BCAS3: variants seen among roughly 807,000 people sequenced by gnomAD.
BCAS3 encodes BCAS3 microtubule associated cell migration factor.
Under a neutral mutation model 116.1 loss-of-function variants are expected in BCAS3, and 53 were observed. That is an observed-to-expected ratio of 0.46 (90% CI 0.37 to 0.57). BCAS3 has a LOEUF of 0.57. BCAS3 is among the 20% of genes least tolerant of loss of function. The probability of loss-of-function intolerance (pLI) is 0.00; values close to 1 mark genes in which losing one functional copy is unlikely to be tolerated. For synonymous variants in BCAS3, 391 were observed against 408.2 expected, an observed-to-expected ratio of 0.96 and a Z score of 0.51; for missense variants, 917 against 1,165.4, an observed-to-expected ratio of 0.79 and a Z score of 3.10.
At chr17:60,915,220 A>G (rs555447997) in intron 12 of BCAS3, among the ~76,000 whole-genome samples, 1 of 152,310 alleles carries the variant, frequency 6.6e-6, no homozygotes, top group East Asian at 1.9e-4. Flanking sequence ...TAGCTATAGT[A>G]TAGTACCAAA....
intron 9 of BCAS3, among the ~76,000 whole-genome samples, chr17:60,875,072 A>G (rs2055466190): frequency 6.6e-6 from 1 of 152,144 alleles, no homozygotes; most frequent in Admixed American, 6.6e-5. Flanking sequence ...CCGTACTTTT[A>G]TACATTATAC....
intron 22 of BCAS3, among the ~76,000 whole-genome samples, chr17:61,178,263 A>T (rs1163651486): frequency 6.6e-6 from 1 of 152,124 alleles, no homozygotes; most frequent in African/African-American, 2.4e-5. Flanking sequence ...AGACATAAAA[A>T]AGAAGACTAT....
chr17:61,031,325 A>G (rs2066623210), intron 16 of BCAS3, among the ~76,000 whole-genome samples: 1 of 152,068 alleles, frequency 6.6e-6, no homozygotes, highest in Non-Finnish European at 1.5e-5. Context: ...TGTCAACAAA[A>G]GGTTATTTTG....
chr17:60,704,869 C>T (rs1005979578), intron 4 of BCAS3, among the ~76,000 whole-genome samples: 8 of 151,622 alleles, frequency 5.3e-5, no homozygotes, highest in African/African-American at 1.9e-4. Context: ...TGATATTGCA[C>T]AGTGCCCATG....
chr17:61,256,909 G>A lies in BCAS3; in HGVS notation c.2426-111418G>A, dbSNP rs1174997850. 1.3e-5 allele frequency among the ~76,000 whole-genome samples: 2 copies of A among 152,124 alleles called. No individual in the cohort carries two copies. Among genetic ancestry groups the A allele is most frequent in the African/African-American group, 4.8e-5 (2 of 41,404 alleles). On this transcript the variant is annotated intron_variant, in intron 22 of 23. Coordinates refer to ENST00000407086, the MANE Select transcript of BCAS3 (RefSeq NM_017679.5). The surrounding 1 kb of genome is among the most constrained non-coding windows in gnomAD (Gnocchi z 5.6). ...GTACTGCATATAAATAAGTCTCTGA[G>A]TAATTCCTTGGAGGTGAACCTAGGT...
intron 14 of BCAS3, among the ~76,000 whole-genome samples, chr17:60,986,257 T>A (rs1214100492): frequency 2.0e-5 from 3 of 152,236 alleles, no homozygotes; most frequent in African/African-American, 7.2e-5. Context: ...GGTCCTTAGG[T>A]TGCTTCCACA....
chr17:60,963,632 T>C (rs553828189), intron 14 of BCAS3, among the ~76,000 whole-genome samples: 201 of 151,060 alleles, frequency 1.3e-3, no homozygotes, highest in Non-Finnish European at 1.7e-3. Flanking sequence ...CTCAGCTCAC[T>C]GCAAGCTCCG....
intron 6 of BCAS3, among the ~76,000 whole-genome samples, chr17:60,783,351 C>T (rs7211676): frequency 0.23 from 35,216 of 152,066 alleles, 7,281 homozygotes; most frequent in African/African-American, 0.56. Context: ...ACTACAGGTG[C>T]ACACCACCAC....
chr17:60,999,428 C>T (rs1029497535), intron 15 of BCAS3, among the ~76,000 whole-genome samples: 1 of 151,666 alleles, frequency 6.6e-6, no homozygotes, highest in African/African-American at 2.4e-5. Flanking sequence ...GTAATCCCAG[C>T]TACTCAGGAG....
At chr17:60,904,871 A>G (rs2058105541) in intron 11 of BCAS3, among the ~76,000 whole-genome samples, 1 of 152,220 alleles carries the variant, frequency 6.6e-6, no homozygotes, top group East Asian at 1.9e-4. Context: ...CTCCAGACCT[A>G]GAAAACTTCT....
Position 60,768,087 on chromosome 17 carries a change from G to A in BCAS3, c.403+20808G>A, listed in dbSNP as rs374180013. On this transcript the variant is annotated intron_variant, in intron 6 of 23. Transcript: ENST00000407086. ...GCTGAGATGAGAGGTGTCAGACACC[G>A]TGCCCATCATCTGTGGGTAGGGTGC... Among the ~76,000 whole-genome samples, 24 of 152,300 alleles carry A rather than the reference G, an allele frequency of 1.6e-4. No individual in the cohort carries two copies. The South Asian group carries it at 3.5e-3, about 22-fold the overall frequency.
intron 5 of BCAS3, among the ~76,000 whole-genome samples, chr17:60,727,833 G>A (rs547451223): frequency 1.9e-4 from 28 of 150,210 alleles, no homozygotes; most frequent in African/African-American, 6.6e-4. Context: ...TTTGACACAG[G>A]GTCTTGCTCT....
At chr17:60,681,481 C>T (rs1350098565) in intron 2 of BCAS3, among the ~76,000 whole-genome samples, 1 of 150,840 alleles carries the variant, frequency 6.6e-6, no homozygotes, top group Non-Finnish European at 1.5e-5. Context: ...GCCTGGGGGA[C>T]AAGAGCAAGA....
At chr17:60,847,942 A>G (rs1349760337) in intron 7 of BCAS3, among the ~76,000 whole-genome samples, 2 of 152,076 alleles carry the variant, frequency 1.3e-5, no homozygotes, top group South Asian at 2.1e-4. Context: ...AGATTTACCT[A>G]TTTGTTTGCT....
chr17:60,974,319 T>A (rs2062159055), intron 14 of BCAS3, among the ~76,000 whole-genome samples: 1 of 152,224 alleles, frequency 6.6e-6, no homozygotes, highest in Non-Finnish European at 1.5e-5. Flanking sequence ...CCAATCCTCT[T>A]GTTTCATATG....
rs1242625733 is a variant in BCAS3 at position 60,962,863 on chromosome 17, A to G, written c.1221+15511A>G. Among the ~76,000 whole-genome samples, 1 of 152,174 alleles carries G rather than the reference A, an allele frequency of 6.6e-6. No individual in the cohort carries two copies. Among genetic ancestry groups the G allele is most frequent in the East Asian group, 1.9e-4 (1 of 5,196 alleles). On this transcript the variant is annotated intron_variant, in intron 14 of 23. Coordinates refer to ENST00000407086, the MANE Select transcript of BCAS3 (RefSeq NM_017679.5). This position sits in a 1 kb window ranked among gnomAD's most constrained non-coding sequence, Gnocchi z 4.4. ...TCCAAAGTTTTCTTTTAGTGGTTTC[A>G]TAGTTTGAGGTCTTAGATTTACGTC...
rs1319148119 is a variant in BCAS3, at chr17:61,308,352, C to G, written c.2426-59975C>G. On this transcript the variant is annotated intron_variant, in intron 22 of 23. Transcript: ENST00000407086. ...ACCCCAGCGACCTCCATTCCACCCC[C>G]CAACCCCCATCCCACTCCCACCCCA... Among the ~76,000 whole-genome samples, 7 of 151,490 alleles carry G rather than the reference C, an allele frequency of 4.6e-5. No individual in the cohort carries two copies. The South Asian group carries it at 1.3e-3, about 27-fold the overall frequency.
rs1264385067 is a variant in BCAS3 at position 61,082,131 on chromosome 17, A to G, written c.2328-2336A>G. ...AATGAAATATTTGCTAACAGACCTGAGAAACATATAATGTAAAAGATGCTG... is the reference window on the plus strand; with the variant it reads ...AATGAAATATTTGCTAACAGACCTGGGAAACATATAATGTAAAAGATGCTG... On this transcript the variant is annotated intron_variant, in intron 21 of 23. Coordinates refer to ENST00000407086, the MANE Select transcript of BCAS3 (RefSeq NM_017679.5). This position sits in a 1 kb window ranked among gnomAD's most constrained non-coding sequence, Gnocchi z 5.1. Among the ~76,000 whole-genome samples, 1 of 152,230 alleles carries G rather than the reference A, an allele frequency of 6.6e-6. No individual in the cohort carries two copies. Among genetic ancestry groups the G allele is most frequent in the Non-Finnish European group, 1.5e-5 (1 of 68,032 alleles).
chr17:60,711,299 G>T (rs1382809639), intron 5 of BCAS3, among the ~76,000 whole-genome samples: 1 of 151,926 alleles, frequency 6.6e-6, no homozygotes, highest in Non-Finnish European at 1.5e-5. Flanking sequence ...TGTAATTTTG[G>T]TATTGTTCCA....
Sources: allele counts gnomAD v4.1 joint callset (sites outside exome capture counted in the v4.1 genomes callset), GRCh38; gene constraint gnomAD v4.1.1; non-coding constraint Gnocchi (gnomAD v3.1); transcripts MANE v1.5; gene names NCBI Gene and HGNC (gene_info 2026-07-23, HGNC 2026-07-21).